Variants in SLC24A5 observed in about 807,000 individuals in gnomAD.
SLC24A5 encodes solute carrier family 24 member 5.
In SLC24A5, 46 loss-of-function variants were observed where a neutral mutation model predicts 51.6. The observed-to-expected ratio is 0.89, with a 90% CI of 0.70 to 1.14. The LOEUF (loss-of-function observed/expected upper bound fraction) is 1.14. Ranked by LOEUF, SLC24A5 falls within the 50% of genes most tolerant of loss-of-function variation. The pLI is 0.00. For missense variants in SLC24A5, 581 were observed against 604.1 expected (o/e 0.96, Z 0.40); for synonymous variants, 230 against 214.9 (o/e 1.07, Z -0.62).
chr15:48,140,733 A>T (rs1157602528), intron 7 of SLC24A5: 1 of 193,482 alleles, frequency 5.2e-6, no homozygotes, highest in East Asian at 1.3e-4. Context: ...AATTTGCTTA[A>T]CTCTGACTAA....
Position 48,142,173 on chromosome 15 carries a change from C to A in SLC24A5, c.1325C>A (p.Thr442Asn), listed in dbSNP as rs758749486. The change falls in exon 9 of 9, where the codon ACC becomes AAC. Residue 442 changes from threonine (T) to asparagine (N), a missense_variant. Transcript: ENST00000341459. ...AACAGCAGAGGACTAACTTACATAA[C>A]CATCTCTCTCAACATTTCAATTATT... ...EVNSRGLTYI[T>N]ISLNISIIFL... 1.2e-5 allele frequency: 19 copies of A among 1,613,724 alleles called. No individual in the cohort carries two copies. Among genetic ancestry groups the A allele is most frequent in the Admixed American group, 1.0e-4 (6 of 60,002 alleles).
Position 48,141,093 on chromosome 15 carries a change from G to A in SLC24A5, c.1079-20G>A. The A allele has an allele frequency of 6.3e-7, 1 of 1,578,366 alleles. No individual in the cohort carries two copies. Among genetic ancestry groups the A allele is most frequent in the Non-Finnish European group, 8.7e-7 (1 of 1,151,000 alleles). On this transcript the variant is annotated intron_variant, in intron 7 of 8. Transcript: ENST00000341459. ...AGTGAATCTTTAAGATTTGTAACTT[G>A]AAATATCTGTTTATTACAGGGGAAA...
At chr15:48,136,587 T>C in intron 5 of SLC24A5, 96 bp from the exon 6 acceptor site, 1 of 1,183,538 alleles carries the variant, frequency 8.4e-7, no homozygotes, top group Non-Finnish European at 1.2e-6. Context: ...TATGGCTACT[T>C]TTGTTAGAAA....
rs2038684134 is a variant in SLC24A5 at position 48,122,011 on chromosome 15, AC to A, written c.279del (p.Ser94ProfsTer30). The A allele has an allele frequency of 6.2e-7, 1 of 1,613,758 alleles. No individual in the cohort carries two copies. The highest frequency in any genetic ancestry group is 1.3e-5 in the African/African-American group (1 of 74,820). The part of the protein sequence containing the change: ...ISIVCDEYFL[P>X]SLEIISESLG... ...CTATTGTCTGTGATGAATACTTCCT[AC>A]CCTCCCTGGAAATCATCAGTGAATG... is the stretch of plus-strand genomic sequence containing the variant. On this transcript the variant is annotated frameshift_variant, in exon 2 of 9. Coordinates refer to ENST00000341459, the MANE Select transcript of SLC24A5 (RefSeq NM_205850.3). LOFTEE classifies it high-confidence loss of function.
intron 2 of SLC24A5, among the ~76,000 whole-genome samples, chr15:48,129,088 G>A (rs2038762097): frequency 6.6e-6 from 1 of 152,040 alleles, no homozygotes; most frequent in African/African-American, 2.4e-5. Flanking sequence ...GAAATCCACT[G>A]TAATATTACA....
intron 2 of SLC24A5, among the ~76,000 whole-genome samples, chr15:48,130,090 G>A (rs746907168): frequency 6.6e-6 from 1 of 152,018 alleles, no homozygotes; most frequent in Non-Finnish European, 1.5e-5. Context: ...TTACCACGAA[G>A]TTGTACTTTA....
At position 48,139,029 on chromosome 15, in the gene SLC24A5, C is replaced by A. The variant is rs184818838; in HGVS notation, c.932C>A (p.Ser311Tyr). The change falls in exon 7 of 9, where the codon TCC becomes TAC. Residue 311 changes from serine (S) to tyrosine (Y), a missense_variant. Ser to Tyr is a moderately radical substitution (Grantham distance 144). Transcript: ENST00000341459. ...TTAAAAAGAATTTTTTGGGTATTAT[C>A]CCTTCCTATTATTACATTACTTTTT... ...ADLKRIFWVL[S>Y]LPIITLLFLT... 8.3e-5 allele frequency: 134 copies of A among 1,613,064 alleles called. 1 individual carries two copies. The East Asian group carries it at 1.9e-3, about 23-fold the overall frequency.
chr15:48,140,926 G>A, intron 7 of SLC24A5, 187 bp from the exon 8 acceptor site: 1 of 493,436 alleles, frequency 2.0e-6, no homozygotes, highest in Non-Finnish European at 3.7e-6. Flanking sequence ...TGCTACCTGG[G>A]TTACCCGAAT....
rs1597248586 is a variant in SLC24A5 at position 48,121,727 on chromosome 15, T to C, written c.122-130T>C. 12 of 942,848 alleles carry C rather than the reference T, an allele frequency of 1.3e-5. No homozygotes were observed. In the East Asian group the frequency reaches 2.6e-4, roughly 21 times the overall value. 58.4% of individuals were successfully genotyped at this position (942,848 alleles called of 1,614,324 possible). On this transcript the variant is annotated intron_variant, in intron 1 of 8. Coordinates refer to ENST00000341459, the MANE Select transcript of SLC24A5 (RefSeq NM_205850.3). ...CTGTGTTATATTCAGAAGCGCTTTA[T>C]ACATTTTCAGTGGGTCCTTAAAATT...
In SLC24A5 at chr15:48,141,133, G is replaced by A. The variant is rs775030415; in HGVS notation, c.1099G>A (p.Asp367Asn). Residue 367 changes from aspartate (D) to asparagine (N), a missense_variant, in exon 8 of 9, where the codon GAT becomes AAT. Coordinates refer to ENST00000341459, the MANE Select transcript of SLC24A5 (RefSeq NM_205850.3). ...TITGETLEIP[D>N]TVMGLTLLAA... is the part of the protein sequence containing the mutation. ...TACAGGGGAAACACTAGAAATTCCC[G>A]ATACAGTAATGGGCCTTACTTTATT... 49 of 1,613,116 alleles carry A rather than the reference G, an allele frequency of 3.0e-5. No homozygotes were observed. The highest frequency in any genetic ancestry group is 2.7e-4 in the Admixed American group (16 of 59,974).
intron 5 of SLC24A5, 91 bp downstream of exon 5, chr15:48,135,075 C>A: frequency 2.1e-6 from 2 of 938,704 alleles, no homozygotes; most frequent in South Asian, 1.5e-5. Context: ...TTATTTCAGT[C>A]ACTTAATCTG....
intron 5 of SLC24A5, 30 bp downstream of exon 5, chr15:48,135,014 AT>A (rs2038862305): frequency 2.6e-6 from 4 of 1,531,412 alleles, no homozygotes; most frequent in Non-Finnish European, 3.6e-6. Context: ...TTATGTAAAA[AT>A]TAGAGATTTT....
chr15:48,142,396 GC>G lies in SLC24A5; in HGVS notation c.*46del. 1 of 1,277,120 alleles carries G rather than the reference GC, an allele frequency of 7.8e-7. No homozygotes were observed. The highest frequency in any genetic ancestry group is 1.8e-5 in the South Asian group (1 of 55,238). 79.1% of individuals were successfully genotyped at this position (1,277,120 alleles called of 1,614,324 possible). A position where few individuals can be genotyped will look rare whatever the true frequency, so the allele number is the denominator to read the frequency against. On this transcript the variant is annotated 3_prime_UTR_variant, in exon 9 of 9. Transcript: ENST00000341459. ...CAGAAAATATGAATGGCAGGGAGGG[GC>G]AGAGAGAAAAATCCATTTCTTCATT...
chr15:48,139,175 G>T lies in SLC24A5; in HGVS notation c.1078G>T (p.Gly360Trp). Residue 360 changes from glycine to tryptophan, a missense_variant and splice_region_variant, in exon 7 of 9, where the codon GGG becomes TGG. Physicochemically the swap from Gly to Trp is radical, Grantham distance 184 (BLOSUM62 -2). Transcript: ENST00000341459. ...YILVWMVTIT[G>W]ETLEIPDTVM... ...CCTGGTTTGGATGGTCACAATAACT[G>T]GTATGTATTTTAAGTACAATAGCAC... is the stretch of plus-strand genomic sequence containing the variant. 1 of 1,604,880 alleles carries T rather than the reference G, an allele frequency of 6.2e-7. No individual in the cohort carries two copies.
At position 48,142,541 on chromosome 15, in the gene SLC24A5, T is replaced by C. The variant is rs1183306701; in HGVS notation, c.*190T>C. 3.9e-6 allele frequency: 2 copies of C among 513,038 alleles called. No homozygotes were observed. Among genetic ancestry groups the C allele is most frequent in the Non-Finnish European group, 6.5e-6 (2 of 305,398 alleles). The allele number at this position is 513,038 out of a possible 1,614,324, so 31.8% of individuals were successfully genotyped here. On this transcript the variant is annotated 3_prime_UTR_variant, in exon 9 of 9. Coordinates refer to ENST00000341459, the MANE Select transcript of SLC24A5 (RefSeq NM_205850.3). ...TCTTTTCATGAAAAATTACATATTA[T>C]AAAACAGAAGTTTGGGGGGAAAAAA...
intron 7 of SLC24A5, chr15:48,140,903 C>A: frequency 2.3e-6 from 1 of 442,228 alleles, no homozygotes; most frequent in Non-Finnish European, 4.1e-6. Context: ...TTAGATATGT[C>A]ATTAAAAATC....
chr15:48,138,644 G>C (rs1409355806), intron 6 of SLC24A5: 1 of 204,520 alleles, frequency 4.9e-6, no homozygotes, highest in Non-Finnish European at 1.0e-5. Flanking sequence ...TAAGCAAAAA[G>C]TTACTGAAGA....
Position 48,139,523 on chromosome 15 carries a change from A to AT in SLC24A5, c.1078+348_1078+349insT, listed in dbSNP as rs994146902. On this transcript the variant is annotated intron_variant, in intron 7 of 8. Coordinates refer to ENST00000341459, the MANE Select transcript of SLC24A5 (RefSeq NM_205850.3). ...TTATATTGAATTCCATTCCATAATA[A>AT]AAAAAAAAAAGAACAAAAAAACAAA... is the stretch of plus-strand genomic sequence containing the variant. The AT allele has an allele frequency of 3.8e-4, 58 of 154,390 alleles. 1 individual carries two copies. Among genetic ancestry groups the AT allele is most frequent in the African/African-American group, 1.3e-3 (54 of 40,438 alleles). The allele number at this position is 154,390 out of a possible 1,614,324, so 9.6% of individuals were successfully genotyped here.
intron 8 of SLC24A5, 152 bp downstream of exon 8, chr15:48,141,366 C>T: frequency 1.9e-6 from 1 of 529,690 alleles, no homozygotes. Context: ...ATCACGAGGT[C>T]AGGAGTTTGA....
Sources: gnomAD v4.1 joint callset for allele counts (sites outside exome capture counted in the v4.1 genomes callset) on GRCh38, gnomAD v4.1.1 for gene constraint, MANE v1.5 for transcripts, NCBI Gene and HGNC (gene_info 2026-07-23, HGNC 2026-07-21) for gene names.